PDZRN3: variants seen among roughly 807,000 people sequenced by gnomAD.
PDZRN3 encodes the protein PDZ domain containing ring finger 3, also known as E3 ubiquitin-protein ligase PDZRN3.
A neutral mutation model predicts 85.7 loss-of-function variants in PDZRN3; 38 were observed. That is an observed-to-expected ratio of 0.44 (90% CI 0.34 to 0.58). The LOEUF (loss-of-function observed/expected upper bound fraction) is 0.58, where lower values mean the gene tolerates loss of function less well. Among genes scored for constraint, PDZRN3 ranks in the 20% least tolerant of loss-of-function variants. The pLI is 0.01. For missense variants in PDZRN3, 1,629 were observed against 1,506.4 expected, an observed-to-expected ratio of 1.08 and a Z score of -1.35; for synonymous variants, 759 against 638.0, an observed-to-expected ratio of 1.19 and a Z score of -2.86.
intron 3 of PDZRN3, among the ~76,000 whole-genome samples, chr3:73,512,231 T>C (rs972225002): frequency 6.6e-6 from 1 of 152,244 alleles, no homozygotes; most frequent in East Asian, 1.9e-4. Context: ...TGTAAGCCCA[T>C]CACAGCAGCG....
At chr3:73,553,210 T>G in intron 3 of PDZRN3, among the ~76,000 whole-genome samples, 1 of 152,314 alleles carries the variant, frequency 6.6e-6, no homozygotes, top group Non-Finnish European at 1.5e-5. Flanking sequence ...TTCAGAATAG[T>G]GCTTACGCTT....
At chr3:73,424,367 C>A (rs1408526233) in intron 3 of PDZRN3, among the ~76,000 whole-genome samples, 7 of 54,872 alleles carry the variant, frequency 1.3e-4, no homozygotes, top group Non-Finnish European at 1.6e-4. Context: ...CCGTCTCTAC[C>A]AAAAAAAAAA....
chr3:73,448,116 C>A (rs1438356483), intron 3 of PDZRN3, among the ~76,000 whole-genome samples: 2 of 152,132 alleles, frequency 1.3e-5, no homozygotes, highest in Non-Finnish European at 2.9e-5. Context: ...CTTTCATCAC[C>A]CGTAAATAAG....
At chr3:73,440,151 G>A (rs1268287619) in intron 3 of PDZRN3, among the ~76,000 whole-genome samples, 1 of 152,142 alleles carries the variant, frequency 6.6e-6, no homozygotes, top group Non-Finnish European at 1.5e-5. Flanking sequence ...CATCCTGGCT[G>A]CCTGAGACTG....
Position 73,404,296 on chromosome 3 carries a change from G to A in PDZRN3, c.1018C>T (p.Pro340Ser). The change falls in exon 4 of 10, where the codon CCA becomes TCA. Residue 340 changes from proline (P) to serine (S), a missense_variant. Pro to Ser is a moderately conservative substitution (Grantham distance 74). Transcript: ENST00000263666. Reference sequence around the variant, plus strand: ...GGAGGCGTGAACATTTTGGTCCTTGGTGTTCTTCTCAACACCTGCACCACT... The same window carrying A: ...GGAGGCGTGAACATTTTGGTCCTTGATGTTCTTCTCAACACCTGCACCACT... ...PIVVQVLRRT[P>S]RTKMFTPPSE... 1.9e-6 allele frequency: 3 copies of A among 1,614,130 alleles called. No individual in the cohort carries two copies. The highest frequency in any genetic ancestry group is 2.5e-6 in the Non-Finnish European group (3 of 1,180,032).
chr3:73,384,168 C>G lies in PDZRN3; in HGVS notation c.2398G>C (p.Ala800Pro), dbSNP rs753093180. Residue 800 changes from alanine (A) to proline (P), a missense_variant, in exon 10 of 10, where the codon GCC becomes CCC. Coordinates refer to ENST00000263666, the MANE Select transcript of PDZRN3 (RefSeq NM_015009.3). ...AGATTCTTGGAGGCTGGCCCGTAGG[C>G]TTCCGTGGTCCCCACAGCCCCTTCG... ...SSEGAVGTTE[A>P]YGPASKNLLS... is the part of the protein sequence containing the mutation. 2 of 1,614,084 alleles carry G rather than the reference C, an allele frequency of 1.2e-6. No homozygotes were observed. Among genetic ancestry groups the G allele is most frequent in the Admixed American group, 3.3e-5 (2 of 60,028 alleles).
chr3:73,609,617 C>T lies in PDZRN3; in HGVS notation c.724-933G>A, dbSNP rs553598511. 2.3e-3 allele frequency among the ~76,000 whole-genome samples: 349 copies of T among 152,234 alleles called. 2 individuals are homozygous for T. The highest frequency in any genetic ancestry group is 0.014 in the Middle Eastern group (4 of 294). ...ATAAATCGGCATTTGCTTCACTTAA[C>T]GTTTTCTATTTAAACATGGTAGTAT... On this transcript the variant is annotated intron_variant, in intron 1 of 9. Transcript: ENST00000263666.
chr3:73,398,159 A>G (rs1488626027), intron 5 of PDZRN3, among the ~76,000 whole-genome samples: 1 of 152,202 alleles, frequency 6.6e-6, no homozygotes. Flanking sequence ...GTCTGCTTTT[A>G]TTCATGAAAA....
chr3:73,448,270 C>T (rs554598623), intron 3 of PDZRN3, among the ~76,000 whole-genome samples: 2 of 152,196 alleles, frequency 1.3e-5, no homozygotes, highest in Non-Finnish European at 2.9e-5. Context: ...TAACCACCTA[C>T]GATTGTTGTG....
At chr3:73,409,939 G>C (rs910722260) in intron 3 of PDZRN3, among the ~76,000 whole-genome samples, 2 of 152,176 alleles carry the variant, frequency 1.3e-5, no homozygotes, top group African/African-American at 4.8e-5. Flanking sequence ...TCTATTACAT[G>C]TGCAAATGAC....
chr3:73,442,851 C>T (rs1702668572), intron 3 of PDZRN3, among the ~76,000 whole-genome samples: 1 of 152,180 alleles, frequency 6.6e-6, no homozygotes, highest in Non-Finnish European at 1.5e-5. Flanking sequence ...CAGGCCTCTT[C>T]ACTGGCCACT....
intron 3 of PDZRN3, among the ~76,000 whole-genome samples, chr3:73,557,167 G>A (rs1412458064): frequency 6.6e-6 from 1 of 152,170 alleles, no homozygotes; most frequent in African/African-American, 2.4e-5. Context: ...CAGCTGCACA[G>A]GGAAAAATCT....
intron 3 of PDZRN3, among the ~76,000 whole-genome samples, chr3:73,521,858 C>T (rs1704375403): frequency 2.0e-5 from 3 of 152,002 alleles, no homozygotes; most frequent in South Asian, 4.2e-4. Flanking sequence ...TGGGGAAGGA[C>T]GAGTTGTAGA....
chr3:73,425,643 G>T (rs973955668), intron 3 of PDZRN3, among the ~76,000 whole-genome samples: 1 of 151,934 alleles, frequency 6.6e-6, no homozygotes, highest in Non-Finnish European at 1.5e-5. Flanking sequence ...AGTGAGTACT[G>T]GGGTGAAGAG....
In PDZRN3 at chr3:73,544,701, A is replaced by T. The variant is rs181133463; in HGVS notation, c.918+57653T>A. Among the ~76,000 whole-genome samples the T allele has an allele frequency of 1.5e-3, 227 of 149,016 alleles. No homozygotes were observed. In the South Asian group the frequency reaches 0.016, roughly 11 times the overall value. On this transcript the variant is annotated intron_variant, in intron 3 of 9. Transcript: ENST00000263666. ...CCACTATCTGGGTTTTTTTTTTTTT[A>T]AATTACTGAAAAGACTGAGCTGATG...
intron 3 of PDZRN3, among the ~76,000 whole-genome samples, chr3:73,576,781 CTTG>C (rs1168921329): frequency 6.6e-6 from 1 of 152,088 alleles, no homozygotes; most frequent in Admixed American, 6.5e-5. Flanking sequence ...GAACTGTCAT[CTTG>C]TTGGTGTGTG....
chr3:73,518,011 T>C (rs1704284971), intron 3 of PDZRN3, among the ~76,000 whole-genome samples: 1 of 152,216 alleles, frequency 6.6e-6, no homozygotes, highest in Non-Finnish European at 1.5e-5. Flanking sequence ...TGTGGGTATA[T>C]ACCCAAAAGA....
chr3:73,621,582 C>G (rs888091212), intron 1 of PDZRN3: 1 of 152,148 alleles, frequency 6.6e-6, no homozygotes, highest in East Asian at 1.9e-4. Flanking sequence ...ACAGCAAAAG[C>G]GTTCAGTAAG....
chr3:73,602,635 A>G (rs1260718653), intron 2 of PDZRN3, among the ~76,000 whole-genome samples, 174 bp from the exon 3 acceptor site: 1 of 152,184 alleles, frequency 6.6e-6, no homozygotes, highest in Non-Finnish European at 1.5e-5. Context: ...ACACAGTAAA[A>G]TATTTCAAAC....
Sources: gnomAD v4.1 joint callset for allele counts (sites outside exome capture counted in the v4.1 genomes callset) on GRCh38, gnomAD v4.1.1 for gene constraint, MANE v1.5 for transcripts, NCBI Gene and HGNC (gene_info 2026-07-23, HGNC 2026-07-21) for gene names.